The following ZNF469 variants were observed in gnomAD, a reference collection of about 807,000 sequenced individuals.
ZNF469 encodes the protein zinc finger protein 469.
In ZNF469, 1 loss-of-function variant was observed where a neutral mutation model predicts 1.0. The observed-to-expected ratio is 1.00, with a 90% CI of 0.35 to 4.73. The LOEUF (loss-of-function observed/expected upper bound fraction) is 4.73, where lower values mean the gene tolerates loss of function less well. Among genes scored for constraint, ZNF469 ranks in the 30% most tolerant of loss-of-function variants. The probability of loss-of-function intolerance (pLI) is 0.16; values close to 1 mark genes in which losing one functional copy is unlikely to be tolerated. For synonymous variants in ZNF469, 2,703 were observed against 2,363.4 expected (o/e 1.14, Z -4.17); for missense variants, 6,100 against 5,356.3 (o/e 1.14, Z -4.33).
chr16:88,225,661 G>C, the ZNF469 span, among the ~76,000 whole-genome samples: 3 of 152,146 alleles, frequency 2.0e-5, no homozygotes, highest in Non-Finnish European at 2.9e-5. Context: ...GGACATGAGG[G>C]TGTGGCCTCG....
At chr16:88,258,657 G>A in the ZNF469 span, among the ~76,000 whole-genome samples, 5 of 147,902 alleles carry the variant, frequency 3.4e-5, no homozygotes, top group African/African-American at 1.3e-4. Context: ...TTGGAGATTT[G>A]AGCGTTTGGG....
intron 1 of ZNF469, among the ~76,000 whole-genome samples, chr16:88,419,531 C>A (rs1905394262): frequency 6.6e-6 from 1 of 152,184 alleles, no homozygotes; most frequent in African/African-American, 2.4e-5. Flanking sequence ...TATTTCTTGG[C>A]CCTTGTGTGG....
the ZNF469 span, among the ~76,000 whole-genome samples, chr16:88,279,452 G>A: frequency 1.4e-5 from 2 of 147,028 alleles, no homozygotes; most frequent in African/African-American, 5.1e-5. Context: ...GATATGATTA[G>A]TGCTGTGTCA....
chr16:88,180,083 T>C, the ZNF469 span, among the ~76,000 whole-genome samples: 1 of 152,018 alleles, frequency 6.6e-6, no homozygotes. Flanking sequence ...GGAGTAGCCA[T>C]TCTTTTATTC....
At position 88,431,964 on chromosome 16, in the gene ZNF469, C is replaced by G; in HGVS notation, c.4494C>G (p.Tyr1498Ter). Residue 1498 changes from tyrosine (Y) to a stop codon, truncating the protein, a stop_gained, in exon 3 of 3, where the codon TAC becomes TAG. Transcript: ENST00000565624. LOFTEE classifies it low-confidence loss of function (END_TRUNC). ...PQKTVPSDPP[Y>*]PSFLLLEEVS... Reference sequence around the variant, plus strand: ...AGACGGTGCCGTCAGATCCACCGTACCCCTCTTTTTTGCTGCTTGAGGAAG... The same window carrying G: ...AGACGGTGCCGTCAGATCCACCGTAGCCCTCTTTTTTGCTGCTTGAGGAAG... 1 of 1,549,680 alleles carries G rather than the reference C, an allele frequency of 6.5e-7. No individual in the cohort carries two copies. The highest frequency in any genetic ancestry group is 8.7e-7 in the Non-Finnish European group (1 of 1,146,976).
At chr16:88,367,384 C>T in the ZNF469 span, among the ~76,000 whole-genome samples, 19 of 152,328 alleles carry the variant, frequency 1.2e-4, no homozygotes, top group Middle Eastern at 0.014. Context: ...TCGTGAGTGA[C>T]GGAGCTGTGA....
upstream of ZNF469, among the ~76,000 whole-genome samples, chr16:88,380,418 C>G (rs1371915512): frequency 6.7e-6 from 1 of 149,490 alleles, no homozygotes; most frequent in East Asian, 2.0e-4. Flanking sequence ...CATGCACTCA[C>G]ACAGATGCAT....
chr16:88,134,870 T>C, the ZNF469 span, among the ~76,000 whole-genome samples: 1 of 152,294 alleles, frequency 6.6e-6, no homozygotes, highest in Non-Finnish European at 1.5e-5. Context: ...CAATGATTTA[T>C]AAGAGCTCTT....
At chr16:88,252,013 G>T in the ZNF469 span, among the ~76,000 whole-genome samples, 1 of 150,358 alleles carries the variant, frequency 6.7e-6, no homozygotes, top group Non-Finnish European at 1.5e-5. Flanking sequence ...CTTGCTTCCA[G>T]TGAGTACTCC....
the ZNF469 span, among the ~76,000 whole-genome samples, chr16:88,360,762 C>T: frequency 6.6e-6 from 1 of 150,392 alleles, no homozygotes; most frequent in African/African-American, 2.5e-5. Flanking sequence ...CACCCCCAGA[C>T]AGCATGCTCC....
the ZNF469 span, among the ~76,000 whole-genome samples, chr16:88,352,326 A>G: frequency 6.6e-6 from 1 of 152,206 alleles, no homozygotes; most frequent in African/African-American, 2.4e-5. Context: ...CTTCATGCCA[A>G]CCCAGAGGAA....
chr16:88,329,384 C>T, the ZNF469 span, among the ~76,000 whole-genome samples: 1 of 152,222 alleles, frequency 6.6e-6, no homozygotes, highest in East Asian at 1.9e-4. Flanking sequence ...TGATTTAATT[C>T]CTCCCACCAA....
chr16:88,186,632 G>A, the ZNF469 span, among the ~76,000 whole-genome samples: 1 of 152,268 alleles, frequency 6.6e-6, no homozygotes, highest in Non-Finnish European at 1.5e-5. Context: ...CTCCCAAAGC[G>A]CAGCGGGCCC....
the ZNF469 span, among the ~76,000 whole-genome samples, chr16:88,299,080 G>A: frequency 6.6e-6 from 1 of 152,058 alleles, no homozygotes; most frequent in Non-Finnish European, 1.5e-5. Flanking sequence ...GCCAATGGGG[G>A]GCAGGGAGGG....
the ZNF469 span, among the ~76,000 whole-genome samples, chr16:88,285,892 C>G: frequency 1.2e-4 from 18 of 152,258 alleles, no homozygotes; most frequent in African/African-American, 4.1e-4. Flanking sequence ...CACAAGAAGG[C>G]CTCAGCTACA....
chr16:88,359,394 A>G, the ZNF469 span, among the ~76,000 whole-genome samples: 1 of 151,500 alleles, frequency 6.6e-6, no homozygotes, highest in African/African-American at 2.4e-5. Flanking sequence ...TCTGCTTCTG[A>G]GTGTCCCGCG....
the ZNF469 span, among the ~76,000 whole-genome samples, chr16:88,125,926 C>T: frequency 2.6e-5 from 4 of 152,142 alleles, no homozygotes; most frequent in South Asian, 6.2e-4. Context: ...CAGTGGCTCA[C>T]GCCTATAATC....
the ZNF469 span, among the ~76,000 whole-genome samples, chr16:88,240,629 T>C: frequency 3.9e-5 from 6 of 152,028 alleles, no homozygotes; most frequent in Admixed American, 2.0e-4. Flanking sequence ...CTGTGTAAGA[T>C]GCAAGGCTGG....
At chr16:88,374,574 T>C in the ZNF469 span, among the ~76,000 whole-genome samples, 6 of 152,360 alleles carry the variant, frequency 3.9e-5, no homozygotes, top group African/African-American at 1.4e-4. Flanking sequence ...AGCAGGGGCA[T>C]GACATGACGA....
Sources: allele counts gnomAD v4.1 joint callset (sites outside exome capture counted in the v4.1 genomes callset), GRCh38; gene constraint gnomAD v4.1.1; transcripts MANE v1.5; gene names NCBI Gene and HGNC (gene_info 2026-07-23, HGNC 2026-07-21).